Variants in NLRC5 observed in about 807,000 individuals in gnomAD.
NLRC5 encodes the protein protein NLRC5.
NLRC5 carries 114 observed loss-of-function variants against 206.9 expected under a neutral mutation model. That is an observed-to-expected ratio of 0.55 (90% CI 0.47 to 0.64). The LOEUF (loss-of-function observed/expected upper bound fraction) is 0.64, where lower values mean the gene tolerates loss of function less well. Ranked by LOEUF, NLRC5 falls within the 30% of genes least tolerant of loss-of-function variation. NLRC5 has a pLI of 0.00. For missense variants in NLRC5, 2,008 were observed against 2,305.5 expected (o/e 0.87, Z 2.64); for synonymous variants, 952 against 962.8 (o/e 0.99, Z 0.21).
At chr16:57,051,424 A>C in intron 23 of NLRC5, 114 bp from the exon 24 acceptor site, 8 of 740,190 alleles carry the variant, frequency 1.1e-5, no homozygotes, top group Non-Finnish European at 1.5e-5. Flanking sequence ...CTGGGAGGGA[A>C]TGTTTCAGGT....
At chr16:57,082,342 C>T (rs1490076516) in intron 48 of NLRC5, 75 bp from the exon 49 acceptor site, 63 of 1,233,648 alleles carry the variant, frequency 5.1e-5, no homozygotes, top group Non-Finnish European at 7.0e-5. Flanking sequence ...TTTTGGGCCT[C>T]AGCCTCCCAA....
At chr16:57,030,839 T>G (rs928709759) in intron 10 of NLRC5, among the ~76,000 whole-genome samples, 16 of 152,254 alleles carry the variant, frequency 1.1e-4, no homozygotes, top group African/African-American at 3.6e-4. Context: ...CCGGGCTCAG[T>G]GGCTCATGCC....
At position 57,077,201 on chromosome 16, in the gene NLRC5, C is replaced by T. The variant is rs1597459906; in HGVS notation, c.4836-95C>T. The T allele has an allele frequency of 2.3e-5, 26 of 1,146,050 alleles. No individual in the cohort carries two copies. The East Asian group carries it at 5.0e-4, about 22-fold the overall frequency. 71.0% of individuals were successfully genotyped at this position (1,146,050 alleles called of 1,614,324 possible). A position where few individuals can be genotyped will look rare whatever the true frequency, so the allele number is the denominator to read the frequency against. On this transcript the variant is annotated intron_variant, in intron 40 of 48. Coordinates refer to ENST00000688547, the MANE Select transcript of NLRC5 (RefSeq NM_001384950.1). Reference sequence around the variant, plus strand: ...GGGGCTCTCTGTGTGAGTCGAGGCCCTTCCTGGGACTTCAGCCTCCCCTTC... The same window carrying T: ...GGGGCTCTCTGTGTGAGTCGAGGCCTTTCCTGGGACTTCAGCCTCCCCTTC...
intron 25 of NLRC5, 94 bp from the exon 26 acceptor site, chr16:57,054,938 T>C: frequency 2.5e-6 from 4 of 1,579,048 alleles, no homozygotes; most frequent in Non-Finnish European, 3.5e-6. Flanking sequence ...AGGACCCAAC[T>C]AGAGGCTGGG....
At chr16:57,081,456 C>A (rs1324149048) in intron 47 of NLRC5, 71 bp from the exon 48 acceptor site, 9 of 1,438,254 alleles carry the variant, frequency 6.3e-6, no homozygotes, top group South Asian at 2.3e-5. Context: ...GAGGAAGGGA[C>A]CTAGGAAACT....
chr16:57,081,647 G>A (rs1481797876), intron 48 of NLRC5, 37 bp downstream of exon 48: 1 of 1,558,482 alleles, frequency 6.4e-7, no homozygotes, highest in African/African-American at 1.4e-5. Context: ...TGGTGGGTGG[G>A]AGGCTACACC....
chr16:57,046,054 G>A (rs1032090983), intron 21 of NLRC5, among the ~76,000 whole-genome samples: 1 of 152,168 alleles, frequency 6.6e-6, no homozygotes, highest in African/African-American at 2.4e-5. Context: ...GCTGGGTGGA[G>A]AGAGTCACAG....
At chr16:57,037,697 T>C (rs1462806965) in intron 15 of NLRC5, among the ~76,000 whole-genome samples, 1 of 152,154 alleles carries the variant, frequency 6.6e-6, no homozygotes, top group African/African-American at 2.4e-5. Flanking sequence ...CGTCAGTTCA[T>C]GATGTGCGCA....
intron 35 of NLRC5, 101 bp from the exon 36 acceptor site, chr16:57,067,635 T>C: frequency 7.3e-7 from 1 of 1,376,576 alleles, no homozygotes; most frequent in East Asian, 2.3e-5. Context: ...GGGGAGCTCT[T>C]GGGTGGCCCC....
At chr16:57,060,409 A>G (rs908047003) in intron 30 of NLRC5, among the ~76,000 whole-genome samples, 3 of 151,438 alleles carry the variant, frequency 2.0e-5, no homozygotes, top group Admixed American at 2.0e-4. Context: ...CAGATACACC[A>G]AGCACACCCA....
chr16:57,002,140 T>C (rs1567506686), intron 1 of NLRC5, among the ~76,000 whole-genome samples: 2 of 152,218 alleles, frequency 1.3e-5, no homozygotes, highest in East Asian at 1.9e-4. Flanking sequence ...CATTTTCTTT[T>C]ACTCTTTTAT....
In NLRC5 at chr16:57,063,775, G is replaced by A. The variant is rs2066798429; in HGVS notation, c.4155-1437G>A. Among the ~76,000 whole-genome samples, 3 of 151,940 alleles carry A rather than the reference G, an allele frequency of 2.0e-5. No individual in the cohort carries two copies. In the South Asian group the frequency reaches 6.2e-4, roughly 31 times the overall value. On this transcript the variant is annotated intron_variant, in intron 32 of 48. Coordinates refer to ENST00000688547, the MANE Select transcript of NLRC5 (RefSeq NM_001384950.1). ...TTTTTTTGAGACGGAGTCTCGCTCT[G>A]TTGCCCAGGTTGGAGTGCAGTGGTG...
At chr16:57,043,743 C>T (rs1245268688) in intron 20 of NLRC5, 139 bp downstream of exon 20, 7 of 717,636 alleles carry the variant, frequency 9.8e-6, no homozygotes, top group Non-Finnish European at 1.5e-5. Context: ...ATCTGCAGAG[C>T]ATGTGATGGG....
intron 2 of NLRC5, among the ~76,000 whole-genome samples, chr16:57,018,312 A>C (rs1270906272): frequency 6.6e-6 from 1 of 152,170 alleles, no homozygotes; most frequent in Non-Finnish European, 1.5e-5. Context: ...GGCCTTGGAA[A>C]TTTACTGGCC....
chr16:57,039,518 C>T (rs1357470808), intron 15 of NLRC5, among the ~76,000 whole-genome samples: 8 of 151,762 alleles, frequency 5.3e-5, no homozygotes, highest in South Asian at 2.1e-4. Context: ...CCCAGAAGTT[C>T]GAGACCAGAG....
At chr16:57,076,613 C>T (rs764700147) in intron 39 of NLRC5, among the ~76,000 whole-genome samples, 2 of 152,244 alleles carry the variant, frequency 1.3e-5, no homozygotes, top group Non-Finnish European at 2.9e-5. Context: ...TCACTGCTGG[C>T]TCTCAAGTTT....
Position 57,033,678 on chromosome 16 carries a change from G to A in NLRC5, c.2543+9G>A, listed in dbSNP as rs772702436. 1.2e-6 allele frequency: 2 copies of A among 1,613,454 alleles called. No individual in the cohort carries two copies. The highest frequency in any genetic ancestry group is 1.7e-6 in the Non-Finnish European group (2 of 1,179,550). The stretch of plus-strand genomic sequence containing the variant: ...AGAAGCTTGACGCTCAGGTACCTTG[G>A]AGGGATCTATTGCCTTAGGAGAGGG... On this transcript the variant is annotated intron_variant, in intron 12 of 48. Transcript: ENST00000688547.
Position 57,026,281 on chromosome 16 carries a change from C to T in NLRC5, c.1338C>T (p.Leu446=), listed in dbSNP as rs2061263905. The T allele has an allele frequency of 6.2e-7, 1 of 1,614,036 alleles. No homozygotes were observed. The highest frequency in any genetic ancestry group is 8.5e-7 in the Non-Finnish European group (1 of 1,180,048). Residue 446 remains leucine (L), a synonymous_variant, in exon 6 of 49, where the codon CTC becomes CTT. Coordinates refer to ENST00000688547, the MANE Select transcript of NLRC5 (RefSeq NM_001384950.1). ...TCTATATGCAGATGGTGCTCGCCCT[C>T]AGCCCCCCTGGGCACTTGCCCACCT... The part of the protein sequence containing the change: ...TQLYMQMVLA[L]SPPGHLPTSS...
chr16:57,014,606 G>A (rs1324049706), intron 1 of NLRC5, among the ~76,000 whole-genome samples: 1 of 152,210 alleles, frequency 6.6e-6, no homozygotes, highest in Non-Finnish European at 1.5e-5. Flanking sequence ...AAAGTATCCT[G>A]TTGTACATAA....
Sources: allele counts gnomAD v4.1 joint callset (sites outside exome capture counted in the v4.1 genomes callset), GRCh38; gene constraint gnomAD v4.1.1; transcripts MANE v1.5; gene names NCBI Gene and HGNC (gene_info 2026-07-23, HGNC 2026-07-21).